The following GRM3 variants were observed in gnomAD, a reference collection of about 807,000 sequenced individuals.
The protein encoded by GRM3 is metabotropic glutamate receptor 3.
In GRM3, 26 loss-of-function variants were observed where a neutral mutation model predicts 70.5. The ratio of observed to expected loss-of-function variants is 0.37; its 90% CI spans 0.27 to 0.51. The LOEUF (loss-of-function observed/expected upper bound fraction) is 0.51, where lower values mean the gene tolerates loss of function less well. GRM3 is among the 20% of genes least tolerant of loss of function. The probability of loss-of-function intolerance (pLI) is 0.93; values close to 1 mark genes in which losing one functional copy is unlikely to be tolerated. For missense variants in GRM3, 859 were observed against 1,123.8 expected (o/e 0.76, Z 3.37); for synonymous variants, 443 against 434.9 (o/e 1.02, Z -0.23).
At chr7:86,840,027 G>A (rs982975141) in intron 4 of GRM3, 122 bp downstream of exon 4, 2 of 641,126 alleles carry the variant, frequency 3.1e-6, no homozygotes, top group South Asian at 3.8e-5. Context: ...ATGCCATGAT[G>A]AGCCTGTATA....
At chr7:86,822,865 C>T (rs926681507) in intron 3 of GRM3, among the ~76,000 whole-genome samples, 3 of 152,190 alleles carry the variant, frequency 2.0e-5, no homozygotes, top group Admixed American at 6.5e-5. Context: ...AAGAACTAAC[C>T]CCTATTCAGT....
chr7:86,654,811 C>A (rs559084637), intron 1 of GRM3, among the ~76,000 whole-genome samples: 19 of 152,284 alleles, frequency 1.2e-4, no homozygotes, highest in Admixed American at 2.0e-4. Context: ...TTAATGAGTG[C>A]CTACTGTGTG....
At chr7:86,822,750 G>A (rs1206681611) in intron 3 of GRM3, among the ~76,000 whole-genome samples, 2 of 152,064 alleles carry the variant, frequency 1.3e-5, no homozygotes, top group Non-Finnish European at 2.9e-5. Context: ...TTTTTTAAAA[G>A]TAAATCAATT....
intron 2 of GRM3, among the ~76,000 whole-genome samples, chr7:86,779,315 A>C (rs1264305759): frequency 6.6e-6 from 1 of 152,214 alleles, no homozygotes; most frequent in Admixed American, 6.5e-5. Flanking sequence ...TGACTAGTTA[A>C]AGATCCACAT....
chr7:86,651,150 C>T (rs1258391294), intron 1 of GRM3, among the ~76,000 whole-genome samples: 2 of 152,190 alleles, frequency 1.3e-5, no homozygotes, highest in Non-Finnish European at 2.9e-5. Flanking sequence ...TGCCTTCCCA[C>T]AGACAGGAAA....
chr7:86,721,877 C>A (rs1202631941), intron 1 of GRM3, among the ~76,000 whole-genome samples: 2 of 152,094 alleles, frequency 1.3e-5, no homozygotes, highest in Non-Finnish European at 2.9e-5. Context: ...AGTGTGATGT[C>A]ATTGGCACCT....
Position 86,839,746 on chromosome 7 carries a change from T to C in GRM3, c.2232T>C (p.Asp744=), listed in dbSNP as rs1052667817. 1 of 1,613,980 alleles carries C rather than the reference T, an allele frequency of 6.2e-7. No homozygotes were observed. The highest frequency in any genetic ancestry group is 8.5e-7 in the Non-Finnish European group (1 of 1,179,974). Residue 744 remains aspartate, a synonymous_variant, in exon 4 of 6, where the codon GAT becomes GAC. Coordinates refer to ENST00000361669, the MANE Select transcript of GRM3 (RefSeq NM_000840.3). This position sits in a 1 kb window ranked among gnomAD's most constrained non-coding sequence, Gnocchi z 4.5. ...GCATGTTGATCTCTCTTACCTACGA[T>C]GTGATCCTGGTGATCTTATGCACTG... ...DSSMLISLTY[D]VILVILCTVY... is the part of the protein sequence containing the mutation.
At chr7:86,742,994 C>G (rs570563896) in intron 1 of GRM3, among the ~76,000 whole-genome samples, 5 of 151,932 alleles carry the variant, frequency 3.3e-5, no homozygotes, top group Admixed American at 2.0e-4. Flanking sequence ...ATGTGGAGAC[C>G]GAAGCTCATA....
chr7:86,660,628 G>A (rs935946909), intron 1 of GRM3, among the ~76,000 whole-genome samples: 13 of 83,944 alleles, frequency 1.5e-4, no homozygotes, highest in Non-Finnish European at 9.5e-5. Context: ...GGGTTACATG[G>A]ATTCATTAGT....
intron 1 of GRM3, among the ~76,000 whole-genome samples, chr7:86,726,006 A>G (rs748525542): frequency 6.6e-6 from 1 of 152,154 alleles, no homozygotes; most frequent in Non-Finnish European, 1.5e-5. Context: ...CACACTGGGG[A>G]TTAGGCTTCA....
At chr7:86,707,598 G>C (rs1239912737) in intron 1 of GRM3, among the ~76,000 whole-genome samples, 2 of 152,196 alleles carry the variant, frequency 1.3e-5, no homozygotes, top group East Asian at 3.9e-4. Context: ...CAGGGTTGAT[G>C]CAGGGAACAA....
At chr7:86,749,789 T>A (rs1796187774) in intron 1 of GRM3, among the ~76,000 whole-genome samples, 1 of 152,074 alleles carries the variant, frequency 6.6e-6, no homozygotes, top group Non-Finnish European at 1.5e-5. Flanking sequence ...GTGCCTAGAT[T>A]GTCACATCTT....
chr7:86,774,857 T>C (rs1796846669), intron 2 of GRM3, among the ~76,000 whole-genome samples: 1 of 152,136 alleles, frequency 6.6e-6, no homozygotes, highest in African/African-American at 2.4e-5. Context: ...TTGTTCTGAA[T>C]TTCTCAATAA....
chr7:86,825,595 T>C (rs1201895108), intron 3 of GRM3, among the ~76,000 whole-genome samples: 1 of 152,208 alleles, frequency 6.6e-6, no homozygotes, highest in Non-Finnish European at 1.5e-5. Context: ...CATGCATTCA[T>C]AAAACAACAA....
intron 1 of GRM3, among the ~76,000 whole-genome samples, chr7:86,700,631 G>A (rs1358188803): frequency 6.6e-6 from 1 of 151,842 alleles, no homozygotes; most frequent in African/African-American, 2.4e-5. Flanking sequence ...AGTTATCTTA[G>A]TTATGTCCCA....
chr7:86,722,920 G>A (rs997940966), intron 1 of GRM3, among the ~76,000 whole-genome samples: 18 of 151,790 alleles, frequency 1.2e-4, no homozygotes, highest in Admixed American at 3.3e-4. Flanking sequence ...CTAATTAGAG[G>A]GCTGGAATTT....
At chr7:86,758,515 C>T (rs1429301773) in intron 1 of GRM3, among the ~76,000 whole-genome samples, 1 of 152,136 alleles carries the variant, frequency 6.6e-6, no homozygotes, top group Non-Finnish European at 1.5e-5. Context: ...TGGCAACACA[C>T]ACATGTGTAC....
rs190063425 is a variant in GRM3 at position 86,681,767 on chromosome 7, C to T, written c.-141+36895C>T. The stretch of plus-strand genomic sequence containing the variant: ...TTATATTTCATCTTCATGATTTCAA[C>T]AAGCACAGAAACACTGATAAAGATG... On this transcript the variant is annotated intron_variant, in intron 1 of 5. Coordinates refer to ENST00000361669, the MANE Select transcript of GRM3 (RefSeq NM_000840.3). Among the ~76,000 whole-genome samples the T allele has an allele frequency of 2.6e-3, 403 of 152,266 alleles. 3 individuals carry two copies. The highest frequency in any genetic ancestry group is 4.6e-3 in the Non-Finnish European group (311 of 68,016).
intron 1 of GRM3, among the ~76,000 whole-genome samples, chr7:86,715,727 A>C (rs1795297849): frequency 6.6e-6 from 1 of 152,038 alleles, no homozygotes; most frequent in African/African-American, 2.4e-5. Context: ...GCCATGATTC[A>C]TAAAAGCAAT....
Sources: allele counts gnomAD v4.1 joint callset (sites outside exome capture counted in the v4.1 genomes callset), GRCh38; gene constraint gnomAD v4.1.1; non-coding constraint Gnocchi (gnomAD v3.1); transcripts MANE v1.5; gene names NCBI Gene and HGNC (gene_info 2026-07-23, HGNC 2026-07-21).